SLCO3A1: variants seen among roughly 807,000 people sequenced by gnomAD.
SLCO3A1 encodes the protein PGE1 transporter.
In SLCO3A1, 27 loss-of-function variants were observed where a neutral mutation model predicts 63.1. That is an observed-to-expected ratio of 0.43 (90% CI 0.32 to 0.59). The LOEUF is 0.59. Ranked by LOEUF, SLCO3A1 falls within the 20% of genes least tolerant of loss-of-function variation. SLCO3A1 has a pLI of 0.09. For missense variants in SLCO3A1, 773 were observed against 945.8 expected, an observed-to-expected ratio of 0.82 and a Z score of 2.40; for synonymous variants, 473 against 409.9, an observed-to-expected ratio of 1.15 and a Z score of -1.86.
chr15:91,986,193 T>C (rs2046050225), intron 2 of SLCO3A1, among the ~76,000 whole-genome samples: 1 of 152,158 alleles, frequency 6.6e-6, no homozygotes, highest in Non-Finnish European at 1.5e-5. Context: ...ATTTGCCCTT[T>C]CCTCGGCTAC....
At position 91,900,439 on chromosome 15, in the gene SLCO3A1, C is replaced by T. The variant is rs1160934438; in HGVS notation, c.181-15554C>T. 2.0e-5 allele frequency among the ~76,000 whole-genome samples: 3 copies of T among 152,216 alleles called. No homozygotes were observed. Among genetic ancestry groups the T allele is most frequent in the Non-Finnish European group, 4.4e-5 (3 of 68,036 alleles). ...CCACTTCCTGGGTTCAAGCGATTCT[C>T]CTGCCTCAGCCTCCCCAGTAGCTGG... On this transcript the variant is annotated intron_variant, in intron 1 of 9. Transcript: ENST00000318445. This position sits in a 1 kb window ranked among gnomAD's most constrained non-coding sequence, Gnocchi z 4.3.
At chr15:92,023,301 A>G (rs1348155009) in intron 2 of SLCO3A1, among the ~76,000 whole-genome samples, 1 of 152,212 alleles carries the variant, frequency 6.6e-6, no homozygotes, top group Non-Finnish European at 1.5e-5. Context: ...TTTGCATCCT[A>G]AATGTCCACA....
Position 91,968,156 on chromosome 15 carries a change from G to T in SLCO3A1, c.646+51698G>T, listed in dbSNP as rs984134673. 6.6e-6 allele frequency among the ~76,000 whole-genome samples: 1 copy of T among 152,094 alleles called. No homozygotes were observed. Among genetic ancestry groups the T allele is most frequent in the Non-Finnish European group, 1.5e-5 (1 of 68,016 alleles). ...GTGTCTCCTTTCTCAGACAGAGGAC[G>T]TAATCATCCATGCCCACAGAGGAGA... On this transcript the variant is annotated intron_variant, in intron 2 of 9. Transcript: ENST00000318445. This position sits in a 1 kb window ranked among gnomAD's most constrained non-coding sequence, Gnocchi z 4.2.
chr15:91,965,588 C>G (rs565948169), intron 2 of SLCO3A1, among the ~76,000 whole-genome samples: 1 of 152,304 alleles, frequency 6.6e-6, no homozygotes, highest in East Asian at 1.9e-4. Context: ...ATCCTTCCTC[C>G]TCTCACCAGC....
Position 92,058,837 on chromosome 15 carries a change from T to C in SLCO3A1, c.647-36044T>C, listed in dbSNP as rs114292862. On this transcript the variant is annotated intron_variant, in intron 2 of 9. Coordinates refer to ENST00000318445, the MANE Select transcript of SLCO3A1 (RefSeq NM_013272.4). ...CCTGCCTTCTGGTGGTTGCTGGCAA[T>C]GCGAGGTGTTATTTGGCTTAGAGAC... Among the ~76,000 whole-genome samples the C allele has an allele frequency of 4.2e-3, 644 of 152,266 alleles. 6 individuals are homozygous for C. The highest frequency in any genetic ancestry group is 0.014 in the African/African-American group (594 of 41,546).
intron 2 of SLCO3A1, among the ~76,000 whole-genome samples, chr15:92,052,986 G>C (rs1160398374): frequency 6.6e-6 from 1 of 152,162 alleles, no homozygotes; most frequent in Non-Finnish European, 1.5e-5. Context: ...TTGCTGGACA[G>C]TGCGGCTCTA....
chr15:92,163,385 C>T lies in SLCO3A1; in HGVS notation c.*250C>T. ...CACTTGCGCGGCTGGGCCACAGAGT[C>T]TACTTTGAAGGCACCTCATGGTTTT... On this transcript the variant is annotated 3_prime_UTR_variant, in exon 10 of 10. Transcript: ENST00000318445. 4 of 1,134,460 alleles carry T rather than the reference C, an allele frequency of 3.5e-6. No homozygotes were observed. The highest frequency in any genetic ancestry group is 4.3e-6 in the Non-Finnish European group (4 of 927,008). 70.3% of individuals were successfully genotyped at this position (1,134,460 alleles called of 1,614,324 possible). A position where few individuals can be genotyped will look rare whatever the true frequency, so the allele number is the denominator to read the frequency against.
chr15:92,126,372 C>T (rs2047923648), intron 6 of SLCO3A1, 113 bp downstream of exon 6: 2 of 805,406 alleles, frequency 2.5e-6, no homozygotes, highest in South Asian at 1.6e-5. Flanking sequence ...GGAGACGCAT[C>T]ACGGCTGCCT....
At chr15:92,072,201 G>GTTTTTTTTT (rs1567103625) in intron 2 of SLCO3A1, among the ~76,000 whole-genome samples, 3 of 131,644 alleles carry the variant, frequency 2.3e-5, no homozygotes, top group African/African-American at 2.7e-5. Flanking sequence ...TCTTTTTTTT[G>GTTTTTTTTT]GTTTTTTTTT....
At chr15:91,988,145 A>G (rs775525253) in intron 2 of SLCO3A1, among the ~76,000 whole-genome samples, 2 of 152,088 alleles carry the variant, frequency 1.3e-5, no homozygotes, top group Non-Finnish European at 2.9e-5. Context: ...GTGCACGCCT[A>G]TAATTCTAGC....
chr15:92,131,364 C>CTTTT lies in SLCO3A1; in HGVS notation c.1512+2890_1512+2893dup, dbSNP rs1176368440. On this transcript the variant is annotated intron_variant, in intron 7 of 9. Transcript: ENST00000318445. ...CTCAACCTCCCTATTCCTCCCACCT[C>CTTTT]TTTTTTTTTTTTTTTTTTGAGACAG... Among the ~76,000 whole-genome samples the CTTTT allele has an allele frequency of 3.7e-3, 465 of 127,116 alleles. 15 individuals are homozygous for CTTTT. The highest frequency in any genetic ancestry group is 0.012 in the African/African-American group (405 of 33,714). 83.4% of individuals were successfully genotyped at this position (127,116 alleles called of 152,430 possible).
intron 2 of SLCO3A1, among the ~76,000 whole-genome samples, chr15:91,996,762 A>G (rs1450285572): frequency 2.0e-5 from 3 of 152,208 alleles, no homozygotes; most frequent in Non-Finnish European, 4.4e-5. Flanking sequence ...CATTTAATGA[A>G]TGGTGCTTAA....
chr15:92,135,579 G>C (rs1245272549), intron 7 of SLCO3A1, among the ~76,000 whole-genome samples: 2 of 152,174 alleles, frequency 1.3e-5, no homozygotes, highest in Non-Finnish European at 2.9e-5. Context: ...TACCAGCTTT[G>C]GTTGAACCAA....
At chr15:91,949,446 A>G (rs1019858710) in intron 2 of SLCO3A1, among the ~76,000 whole-genome samples, 1 of 152,132 alleles carries the variant, frequency 6.6e-6, no homozygotes, top group Non-Finnish European at 1.5e-5. Context: ...CCTGGTCAAC[A>G]TGGCGAAACC....
rs1343195565 is a variant in SLCO3A1 at position 91,865,612 on chromosome 15, G to C, written c.180+11524G>C. 1.3e-5 allele frequency among the ~76,000 whole-genome samples: 2 copies of C among 152,118 alleles called. No homozygotes were observed. On this transcript the variant is annotated intron_variant, in intron 1 of 9. Coordinates refer to ENST00000318445, the MANE Select transcript of SLCO3A1 (RefSeq NM_013272.4). This position sits in a 1 kb window ranked among gnomAD's most constrained non-coding sequence, Gnocchi z 4.6. ...TTCATGGCATGTGGGGGTGGCCAAG[G>C]GTCCTTGGATTCCTTGGCTCGCAGC...
chr15:92,029,844 A>C (rs895442643), intron 2 of SLCO3A1, among the ~76,000 whole-genome samples: 1 of 142,940 alleles, frequency 7.0e-6, no homozygotes, highest in Non-Finnish European at 1.5e-5. Context: ...CTTCCGTCTC[A>C]CGTTATGAGA....
chr15:91,949,335 G>A lies in SLCO3A1; in HGVS notation c.646+32877G>A, dbSNP rs144474337. On this transcript the variant is annotated intron_variant, in intron 2 of 9. Coordinates refer to ENST00000318445, the MANE Select transcript of SLCO3A1 (RefSeq NM_013272.4). ...GTGGGGATAAGGGTAGTACCCATGC[G>A]GAGGGCAGTTGTGAGGAGTAAAAGA... Among the ~76,000 whole-genome samples the A allele has an allele frequency of 5.3e-3, 810 of 152,228 alleles. 1 individual carries two copies. Among genetic ancestry groups the A allele is most frequent in the Non-Finnish European group, 8.8e-3 (600 of 68,006 alleles).
chr15:92,171,833 C>A, exon 11 of SLCO3A1: 1 of 1,551,614 alleles, frequency 6.4e-7, no homozygotes, highest in African/African-American at 1.4e-5. Context: ...ATCACATTCA[C>A]CTTCAGAAGA....
At chr15:92,144,802 C>T (rs2048198775) in intron 7 of SLCO3A1, among the ~76,000 whole-genome samples, 1 of 152,180 alleles carries the variant, frequency 6.6e-6, no homozygotes, top group Non-Finnish European at 1.5e-5. Context: ...CAGAAGCCAG[C>T]ACCGGCACTC....
Sources: allele counts gnomAD v4.1 joint callset (sites outside exome capture counted in the v4.1 genomes callset), GRCh38; gene constraint gnomAD v4.1.1; non-coding constraint Gnocchi (gnomAD v3.1); transcripts MANE v1.5; gene names NCBI Gene and HGNC (gene_info 2026-07-23, HGNC 2026-07-21).